The following ARHGAP32 variants were observed in gnomAD, a reference collection of about 807,000 sequenced individuals.
ARHGAP32 encodes the protein rho GTPase-activating protein 32.
A neutral mutation model predicts 186.5 loss-of-function variants in ARHGAP32; 51 were observed. The observed-to-expected ratio is 0.27, with a 90% CI of 0.22 to 0.35. The LOEUF (loss-of-function observed/expected upper bound fraction) is 0.35. ARHGAP32 is among the 10% of genes least tolerant of loss of function. ARHGAP32 has a pLI of 1.00. For missense variants in ARHGAP32, 2,186 were observed against 2,623.5 expected, an observed-to-expected ratio of 0.83 and a Z score of 3.64; for synonymous variants, 950 against 964.3, an observed-to-expected ratio of 0.99 and a Z score of 0.27.
chr11:129,189,151 C>A lies in ARHGAP32; in HGVS notation c.116+2932G>T, dbSNP rs534102882. Among the ~76,000 whole-genome samples, 22 of 152,244 alleles carry A rather than the reference C, an allele frequency of 1.4e-4. No homozygotes were observed. In the South Asian group the frequency reaches 4.4e-3, roughly 30 times the overall value. On this transcript the variant is annotated intron_variant, in intron 1 of 22. Transcript: ENST00000682385. Reference sequence around the variant, plus strand: ...TCAAAACTTGAGATATCAGCTGTAGCCTCTTATAAGTTATCACTTAGCAGA... The same window carrying A: ...TCAAAACTTGAGATATCAGCTGTAGACTCTTATAAGTTATCACTTAGCAGA...
At chr11:129,129,644 G>A (rs1165418722) in intron 2 of ARHGAP32, among the ~76,000 whole-genome samples, 3 of 152,220 alleles carry the variant, frequency 2.0e-5, no homozygotes, top group East Asian at 1.9e-4. Flanking sequence ...CTGTGTCTGT[G>A]TAGAAAGAAG....
intron 1 of ARHGAP32, among the ~76,000 whole-genome samples, chr11:129,167,828 T>C (rs886956081): frequency 6.6e-6 from 1 of 152,180 alleles, no homozygotes; most frequent in African/African-American, 2.4e-5. Flanking sequence ...CATGAATATA[T>C]TAAAAACCAC....
At chr11:129,157,685 A>G (rs1943437784) in intron 2 of ARHGAP32, among the ~76,000 whole-genome samples, 1 of 152,168 alleles carries the variant, frequency 6.6e-6, no homozygotes, top group African/African-American at 2.4e-5. Context: ...AACTTCCCCA[A>G]CCTAGCAAAA....
At chr11:129,226,775 T>C (rs1944790232) in intron 1 of ARHGAP32, among the ~76,000 whole-genome samples, 1 of 152,058 alleles carries the variant, frequency 6.6e-6, no homozygotes, top group Admixed American at 6.6e-5. Context: ...CAACACACTA[T>C]ATCCACCAAA....
rs542090868 is a variant in ARHGAP32, at chr11:129,088,634, T to C, written c.531+4987A>G. ...TTGATCAACCAATTTCCAAACAGAC[T>C]GAATAAACAATCAGAGTATTTTTAA... On this transcript the variant is annotated intron_variant, in intron 6 of 22. Coordinates refer to ENST00000682385, the MANE Select transcript of ARHGAP32 (RefSeq NM_001378024.1). Among the ~76,000 whole-genome samples the C allele has an allele frequency of 3.9e-3, 593 of 152,222 alleles. 2 individuals carry two copies. The highest frequency in any genetic ancestry group is 0.014 in the African/African-American group (567 of 41,544).
intron 12 of ARHGAP32, among the ~76,000 whole-genome samples, chr11:128,991,963 C>G (rs1946067753): frequency 6.7e-6 from 1 of 150,276 alleles, no homozygotes; most frequent in Non-Finnish European, 1.5e-5. Flanking sequence ...TTTATTAAGT[C>G]TCTTCTATTT....
chr11:128,975,097 T>A, intron 20 of ARHGAP32, 95 bp from the exon 21 acceptor site: 1 of 981,262 alleles, frequency 1.0e-6, no homozygotes, highest in Non-Finnish European at 1.5e-6. Flanking sequence ...ACTTACTATC[T>A]AGGTGAAGGA....
At chr11:129,169,219 TAAAAGATTAATA>T (rs1169323050) in intron 1 of ARHGAP32, among the ~76,000 whole-genome samples, 2 of 152,060 alleles carry the variant, frequency 1.3e-5, no homozygotes, top group African/African-American at 4.8e-5. Flanking sequence ...GTTGATTCTT[TAAAAGATTAATA>T]AAATGAACAA....
At chr11:129,140,806 A>C (rs146006538) in intron 2 of ARHGAP32, among the ~76,000 whole-genome samples, 353 of 152,310 alleles carry the variant, frequency 2.3e-3, no homozygotes, top group African/African-American at 8.3e-3. Context: ...CTTGCATTTT[A>C]AGTGTGAAGT....
chr11:129,126,042 T>C (rs1308492197), intron 2 of ARHGAP32: 2 of 439,678 alleles, frequency 4.5e-6, no homozygotes, highest in East Asian at 7.0e-5. Flanking sequence ...AGTTACTTCA[T>C]AATCCTAGGT....
intron 1 of ARHGAP32, among the ~76,000 whole-genome samples, chr11:129,248,705 A>G (rs1413143013): frequency 6.6e-6 from 1 of 152,200 alleles, no homozygotes; most frequent in African/African-American, 2.4e-5. Flanking sequence ...AGTTTCTCAT[A>G]TACTTCCAAA....
At chr11:129,001,388 T>A (rs1292844162) in intron 11 of ARHGAP32, among the ~76,000 whole-genome samples, 1 of 152,254 alleles carries the variant, frequency 6.6e-6, no homozygotes, top group East Asian at 1.9e-4. Flanking sequence ...GTATCTTTTA[T>A]ACACCTACTT....
chr11:129,204,974 C>T (rs1944498219), intron 1 of ARHGAP32, among the ~76,000 whole-genome samples: 2 of 152,078 alleles, frequency 1.3e-5, no homozygotes, highest in Non-Finnish European at 2.9e-5. Flanking sequence ...TTCCCATTAT[C>T]CTTTCTTATT....
Position 129,126,721 on chromosome 11 carries a change from T to C in ARHGAP32, c.226-1827A>G, listed in dbSNP as rs182583713. 1.4e-3 allele frequency among the ~76,000 whole-genome samples: 209 copies of C among 152,276 alleles called. 3 individuals are homozygous for C. The highest frequency in any genetic ancestry group is 4.4e-3 in the African/African-American group (184 of 41,552). On this transcript the variant is annotated intron_variant, in intron 2 of 22. Coordinates refer to ENST00000682385, the MANE Select transcript of ARHGAP32 (RefSeq NM_001378024.1). ...TGAATATAGTATTGAGTATTAAGAA[T>C]TGAGTGAACAATATATTTCTAAGGA...
At chr11:129,166,708 A>G (rs1943648572) in intron 1 of ARHGAP32, among the ~76,000 whole-genome samples, 1 of 152,134 alleles carries the variant, frequency 6.6e-6, no homozygotes, top group African/African-American at 2.4e-5. Context: ...AAGCTGAAAA[A>G]AACTACCACC....
intron 10 of ARHGAP32, among the ~76,000 whole-genome samples, chr11:129,046,851 G>A (rs900447426): frequency 3.3e-5 from 5 of 152,160 alleles, no homozygotes; most frequent in South Asian, 4.1e-4. Flanking sequence ...TTGGCCGGGC[G>A]CGGTGGCTCA....
intron 1 of ARHGAP32, among the ~76,000 whole-genome samples, chr11:129,181,257 C>A (rs1944048366): frequency 6.6e-6 from 1 of 152,126 alleles, no homozygotes; most frequent in African/African-American, 2.4e-5. Context: ...ATTTTATGGT[C>A]AGACCATTTG....
intron 2 of ARHGAP32, among the ~76,000 whole-genome samples, chr11:129,160,522 T>C (rs928575560): frequency 6.6e-6 from 1 of 151,990 alleles, no homozygotes; most frequent in African/African-American, 2.4e-5. Flanking sequence ...GAGAATAAAA[T>C]ACCTAGGATG....
At position 129,229,860 on chromosome 11, in the gene ARHGAP32, C is replaced by T. The variant is rs535636880; in HGVS notation, c.-5+49286G>A. On this transcript the variant is annotated intron_variant, in intron 1 of 6. Coordinates refer to the ARHGAP32 transcript ENST00000525234. ...GGTGGGAGGCAGGGTCTCACTCACC[C>T]AAGCTGCAGTAGAGTGGCGCGATCC... Among the ~76,000 whole-genome samples, 14 of 152,172 alleles carry T rather than the reference C, an allele frequency of 9.2e-5. No homozygotes were observed. The East Asian group carries it at 2.7e-3, about 29-fold the overall frequency.
Sources: gnomAD v4.1 joint callset for allele counts (sites outside exome capture counted in the v4.1 genomes callset) on GRCh38, gnomAD v4.1.1 for gene constraint, MANE v1.5 for transcripts, NCBI Gene and HGNC (gene_info 2026-07-23, HGNC 2026-07-21) for gene names.